The following MYT1L variants were observed in gnomAD, a reference collection of about 807,000 sequenced individuals.
MYT1L encodes the protein myelin transcription factor 1 like, also known as myelin transcription factor 1-like protein.
Under a neutral mutation model 126.7 loss-of-function variants are expected in MYT1L, and 12 were observed. The ratio of observed to expected loss-of-function variants is 0.09; its 90% confidence interval spans 0.06 to 0.15. MYT1L has a LOEUF of 0.15. Among genes scored for constraint, MYT1L ranks in the 10% least tolerant of loss-of-function variants. MYT1L has a pLI of 1.00. For missense variants in MYT1L, 979 were observed against 1,585.2 expected, an observed-to-expected ratio of 0.62 and a Z score of 6.49; for synonymous variants, 541 against 604.2, an observed-to-expected ratio of 0.90 and a Z score of 1.53.
At chr2:2,267,966 G>T (rs2095173954) in intron 2 of MYT1L, among the ~76,000 whole-genome samples, 1 of 152,106 alleles carries the variant, frequency 6.6e-6, no homozygotes, top group East Asian at 1.9e-4. Flanking sequence ...CGCTTTGCAT[G>T]TCTAACTTCA....
chr2:1,824,004 C>T (rs558095880), intron 21 of MYT1L, among the ~76,000 whole-genome samples: 5 of 152,174 alleles, frequency 3.3e-5, no homozygotes, highest in East Asian at 1.9e-4. Flanking sequence ...CGCCTCCCCC[C>T]CCAGCGGGGC....
At chr2:2,255,343 G>T (rs2094778040) in intron 2 of MYT1L, among the ~76,000 whole-genome samples, 1 of 152,040 alleles carries the variant, frequency 6.6e-6, no homozygotes, top group African/African-American at 2.4e-5. Flanking sequence ...TATTGGGGGG[G>T]TTGTTAGTTT....
chr2:1,981,380 A>G (rs1280614256), intron 5 of MYT1L, among the ~76,000 whole-genome samples: 1 of 152,228 alleles, frequency 6.6e-6, no homozygotes, highest in Non-Finnish European at 1.5e-5. Flanking sequence ...AAGCCAAGGA[A>G]AGATGCTCGG....
chr2:2,026,572 C>T (rs1449078949), intron 4 of MYT1L, among the ~76,000 whole-genome samples: 14 of 152,236 alleles, frequency 9.2e-5, no homozygotes, highest in South Asian at 2.1e-4. Context: ...AGTAAGAAAG[C>T]GGCTTCTCAG....
At chr2:1,900,262 C>G (rs1363539920) in intron 14 of MYT1L, among the ~76,000 whole-genome samples, 1 of 152,040 alleles carries the variant, frequency 6.6e-6, no homozygotes, top group Non-Finnish European at 1.5e-5. Context: ...CATCAACAAC[C>G]TACCAGCCAG....
rs1376018367 is a variant in MYT1L at position 1,943,810 on chromosome 2, A to G, written c.153-476T>C. Among the ~76,000 whole-genome samples the G allele has an allele frequency of 6.6e-6, 1 of 152,188 alleles. No homozygotes were observed. Among genetic ancestry groups the G allele is most frequent in the Non-Finnish European group, 1.5e-5 (1 of 68,042 alleles). ...TCTATGTCGTGAAAGAGCTTTGGAT[A>G]TATTTGGATTTGTATATTTTATGGA... On this transcript the variant is annotated intron_variant, in intron 8 of 24. Coordinates refer to ENST00000647738, the MANE Select transcript of MYT1L (RefSeq NM_001303052.2). The surrounding 1 kb of genome is among the most constrained non-coding windows in gnomAD (Gnocchi z 4.4).
At chr2:2,040,150 T>A (rs989235405) in intron 4 of MYT1L, among the ~76,000 whole-genome samples, 2 of 152,228 alleles carry the variant, frequency 1.3e-5, no homozygotes, top group Non-Finnish European at 2.9e-5. Context: ...TCATTTGTCC[T>A]GGTGTTCTGG....
rs72769261 is a variant in MYT1L, at chr2:2,308,232, C to T, written c.-521+22735G>A. On this transcript the variant is annotated intron_variant, in intron 1 of 24. Transcript: ENST00000647738. The stretch of plus-strand genomic sequence containing the variant: ...GTACACTCTACCTATACTCCACCTA[C>T]GCTTCGGTATACTCTATCTACACTC... Among the ~76,000 whole-genome samples the T allele has an allele frequency of 1.6e-3, 247 of 150,374 alleles. 1 individual carries two copies. The highest frequency in any genetic ancestry group is 7.1e-3 in the Middle Eastern group (2 of 280).
chr2:2,249,297 A>G (rs1271264043), intron 2 of MYT1L, among the ~76,000 whole-genome samples: 1 of 152,116 alleles, frequency 6.6e-6, no homozygotes, highest in Non-Finnish European at 1.5e-5. Context: ...ACAAATACCT[A>G]GGAATAAACC....
chr2:1,932,263 G>A (rs777090254), intron 9 of MYT1L, among the ~76,000 whole-genome samples: 29 of 152,190 alleles, frequency 1.9e-4, no homozygotes, highest in Non-Finnish European at 3.4e-4. Context: ...CATGAGCCAT[G>A]TATTTACCTA....
chr2:2,051,243 T>C (rs1316337465), intron 4 of MYT1L, among the ~76,000 whole-genome samples: 1 of 152,252 alleles, frequency 6.6e-6, no homozygotes, highest in Non-Finnish European at 1.5e-5. Context: ...CATTACTTGA[T>C]GCTTCCCATC....
At chr2:2,159,991 G>A (rs1264852375) in intron 3 of MYT1L, among the ~76,000 whole-genome samples, 1 of 152,132 alleles carries the variant, frequency 6.6e-6, no homozygotes, top group Non-Finnish European at 1.5e-5. Flanking sequence ...TCACGTAACA[G>A]CTGTGTGGCC....
intron 8 of MYT1L, among the ~76,000 whole-genome samples, chr2:1,966,472 A>T (rs931999698): frequency 6.6e-6 from 1 of 152,140 alleles, no homozygotes; most frequent in African/African-American, 2.4e-5. Flanking sequence ...AACAGGTCTG[A>T]TCTTCCTGGA....
At chr2:2,232,592 C>T (rs983849381) in intron 2 of MYT1L, among the ~76,000 whole-genome samples, 1 of 152,178 alleles carries the variant, frequency 6.6e-6, no homozygotes, top group African/African-American at 2.4e-5. Context: ...TTCCTGTGCC[C>T]AGAGTGGCAC....
intron 2 of MYT1L, among the ~76,000 whole-genome samples, chr2:2,227,766 C>A (rs1010157521): frequency 6.6e-6 from 1 of 152,168 alleles, no homozygotes; most frequent in Non-Finnish European, 1.5e-5. Context: ...GAAGTTAAAA[C>A]CCCTGCATCA....
intron 4 of MYT1L, among the ~76,000 whole-genome samples, chr2:2,021,958 G>A (rs2065080802): frequency 6.6e-6 from 1 of 152,152 alleles, no homozygotes; most frequent in South Asian, 2.1e-4. Context: ...CATCATGCTT[G>A]CACAGCAGAC....
At chr2:1,839,649 G>T (rs1462489192) in intron 20 of MYT1L, among the ~76,000 whole-genome samples, 1 of 152,230 alleles carries the variant, frequency 6.6e-6, no homozygotes, top group Non-Finnish European at 1.5e-5. Context: ...GATGGGTTCA[G>T]CACACAAAAG....
chr2:2,120,474 TA>T (rs2080840723), intron 3 of MYT1L, among the ~76,000 whole-genome samples: 1 of 152,102 alleles, frequency 6.6e-6, no homozygotes, highest in African/African-American at 2.4e-5. Flanking sequence ...AGGCCTTTTT[TA>T]TTTATTTTTA....
chr2:1,940,544 T>A (rs2056529014), intron 9 of MYT1L, among the ~76,000 whole-genome samples: 1 of 151,168 alleles, frequency 6.6e-6, no homozygotes, highest in Non-Finnish European at 1.5e-5. Context: ...AACATCTCCC[T>A]GTGGCTGCAC....
Sources: gnomAD v4.1 joint callset for allele counts (sites outside exome capture counted in the v4.1 genomes callset) on GRCh38, gnomAD v4.1.1 for gene constraint, Gnocchi (gnomAD v3.1) non-coding constraint, MANE v1.5 for transcripts, NCBI Gene and HGNC (gene_info 2026-07-23, HGNC 2026-07-21) for gene names.